SLC7A9: variants seen among roughly 807,000 people sequenced by gnomAD.
The protein encoded by SLC7A9 is B(0,+)-type amino acid transporter 1.
Under a neutral mutation model 54.1 loss-of-function variants are expected in SLC7A9, and 38 were observed. The ratio of observed to expected loss-of-function variants is 0.70; its 90% CI spans 0.54 to 0.92. The LOEUF (loss-of-function observed/expected upper bound fraction) is 0.92. SLC7A9 is among the 40% of genes least tolerant of loss of function. SLC7A9 has a pLI of 0.00. For missense variants in SLC7A9, 537 were observed against 636.1 expected (o/e 0.84, Z 1.68); for synonymous variants, 264 against 258.9 (o/e 1.02, Z -0.19).
intron 9 of SLC7A9, among the ~76,000 whole-genome samples, chr19:32,850,141 T>C (rs1968427068): frequency 6.7e-6 from 1 of 149,136 alleles, no homozygotes; most frequent in Admixed American, 6.7e-5. Flanking sequence ...GTGCCCTCTC[T>C]CACCATTCCT....
rs567720033 is a variant in SLC7A9, at chr19:32,856,447, G to C, written c.977+1993C>G. ...CTGACCTCGTGATCTGCCCGCCTCG[G>C]CCTCCCAAAGTGCTGGGATTACAGG... On this transcript the variant is annotated intron_variant, in intron 9 of 12. Coordinates refer to ENST00000023064, the MANE Select transcript of SLC7A9 (RefSeq NM_014270.5). 2.6e-5 allele frequency among the ~76,000 whole-genome samples: 4 copies of C among 152,264 alleles called. No homozygotes were observed. The East Asian group carries it at 5.8e-4, about 22-fold the overall frequency.
intron 2 of SLC7A9, among the ~76,000 whole-genome samples, chr19:32,867,579 A>G (rs1179563989): frequency 2.6e-5 from 4 of 152,078 alleles, no homozygotes; most frequent in Admixed American, 2.6e-4. Flanking sequence ...TGGAAAGGCC[A>G]TTAGTTTGAA....
Position 32,860,108 on chromosome 19 carries a change from G to C in SLC7A9, c.750-144C>G, listed in dbSNP as rs756484587. Reference sequence around the variant, plus strand: ...ACATAAGACATTTTCAAATGAGAATGCTGCCTCTCTCAGACTCCAGAGCAG... The same window carrying C: ...ACATAAGACATTTTCAAATGAGAATCCTGCCTCTCTCAGACTCCAGAGCAG... On this transcript the variant is annotated intron_variant, in intron 7 of 12. Coordinates refer to ENST00000023064, the MANE Select transcript of SLC7A9 (RefSeq NM_014270.5). 1.9e-6 allele frequency: 3 copies of C among 1,554,634 alleles called. No homozygotes were observed. The African/African-American group carries it at 4.1e-5, about 21-fold the overall frequency.
intron 12 of SLC7A9, chr19:32,832,770 G>A: frequency 1.4e-5 from 4 of 284,584 alleles, no homozygotes; most frequent in Non-Finnish European, 2.7e-5. Context: ...AAAATAGCCA[G>A]GTGTAGTGTG....
chr19:32,842,322 T>G lies in SLC7A9; in HGVS notation c.1075-5A>C, dbSNP rs1353906162. On this transcript the variant is annotated splice_region_variant and splice_polypyrimidine_tract_variant and intron_variant, in intron 10 of 12. Transcript: ENST00000023064. Reference sequence around the variant, plus strand: ...ATAAATCGTTGCTATGATACCCTAATAGAAAGAAGAATGGATTTGTAGGTC... The same window carrying G: ...ATAAATCGTTGCTATGATACCCTAAGAGAAAGAAGAATGGATTTGTAGGTC... 1 of 1,612,344 alleles carries G rather than the reference T, an allele frequency of 6.2e-7. No individual in the cohort carries two copies. Among genetic ancestry groups the G allele is most frequent in the Non-Finnish European group, 8.5e-7 (1 of 1,178,690 alleles).
intron 1 of SLC7A9, among the ~76,000 whole-genome samples, chr19:32,869,147 C>T (rs74819205): frequency 6.6e-6 from 1 of 151,982 alleles, no homozygotes; most frequent in Non-Finnish European, 1.5e-5. Context: ...CACTTGAACC[C>T]TGGAGGCAGA....
At chr19:32,857,242 G>A (rs987292210) in intron 9 of SLC7A9, among the ~76,000 whole-genome samples, 3 of 152,044 alleles carry the variant, frequency 2.0e-5, no homozygotes, top group East Asian at 3.9e-4. Context: ...CCAGGAGTTC[G>A]AAATGGGCCT....
At chr19:32,858,126 C>A (rs1001764001) in intron 9 of SLC7A9, among the ~76,000 whole-genome samples, 1 of 152,218 alleles carries the variant, frequency 6.6e-6, no homozygotes, top group Non-Finnish European at 1.5e-5. Context: ...GCCTCATTCA[C>A]GCGGTGTCGC....
chr19:32,854,607 G>C (rs920550186), intron 9 of SLC7A9, among the ~76,000 whole-genome samples: 4 of 152,136 alleles, frequency 2.6e-5, no homozygotes, highest in African/African-American at 9.7e-5. Flanking sequence ...TTGTTTTTGA[G>C]ACGGAGTATC....
Position 32,858,768 on chromosome 19 carries a change from C to CTTTATTTATTTATTTA in SLC7A9, c.874-241_874-226dup, listed in dbSNP as rs71176160. On this transcript the variant is annotated intron_variant, in intron 8 of 12. Coordinates refer to ENST00000023064, the MANE Select transcript of SLC7A9 (RefSeq NM_014270.5). ...TTATCTACTACTCCCTGGCATAAAT[C>CTTTATTTATTTATTTA]TTTATTTATTTATTTATTTATTTAT... 0.15 allele frequency among the ~76,000 whole-genome samples: 22,457 copies of CTTTATTTATTTATTTA among 148,386 alleles called. 1,900 individuals are homozygous for CTTTATTTATTTATTTA. The highest frequency in any genetic ancestry group is 0.37 in the East Asian group (1,775 of 4,816).
intron 9 of SLC7A9, among the ~76,000 whole-genome samples, chr19:32,845,049 A>G (rs949480113): frequency 7.2e-5 from 11 of 151,796 alleles, no homozygotes; most frequent in Non-Finnish European, 1.6e-4. Flanking sequence ...CTGTACTCTG[A>G]GCTGCTTAGG....
chr19:32,834,502 T>G (rs1299988566), intron 11 of SLC7A9, among the ~76,000 whole-genome samples: 1 of 151,916 alleles, frequency 6.6e-6, no homozygotes, highest in Non-Finnish European at 1.5e-5. Flanking sequence ...TGATGGCAGA[T>G]GCCTGTAATC....
chr19:32,868,535 G>A lies in SLC7A9; in HGVS notation c.-1C>T. The A allele has an allele frequency of 6.2e-7, 1 of 1,613,654 alleles. No homozygotes were observed. The highest frequency in any genetic ancestry group is 8.5e-7 in the Non-Finnish European group (1 of 1,179,594). On this transcript the variant is annotated 5_prime_UTR_variant, in exon 2 of 13. Coordinates refer to ENST00000023064, the MANE Select transcript of SLC7A9 (RefSeq NM_014270.5). The stretch of plus-strand genomic sequence containing the variant: ...GCTTTCTCAGGCCAGTATCCCCCAT[G>A]TTTCCTCCTGCTGGTTCCAGGAGAC...
intron 9 of SLC7A9, among the ~76,000 whole-genome samples, chr19:32,857,959 C>A (rs932808552): frequency 6.6e-6 from 1 of 151,994 alleles, no homozygotes; most frequent in African/African-American, 2.4e-5. Context: ...ACCATCTGGC[C>A]CTTTAAGGGA....
chr19:32,853,305 T>C (rs933988137), intron 9 of SLC7A9, among the ~76,000 whole-genome samples: 1 of 152,174 alleles, frequency 6.6e-6, no homozygotes, highest in Non-Finnish European at 1.5e-5. Context: ...AAAGCAGGGA[T>C]TAATTAGGCA....
At chr19:32,844,043 G>A (rs1250965120) in intron 9 of SLC7A9, 92 bp from the exon 10 acceptor site, 18 of 934,534 alleles carry the variant, frequency 1.9e-5, no homozygotes, top group Non-Finnish European at 2.4e-5. Flanking sequence ...CCACCAAGGA[G>A]CCCTCGGGAG....
rs553311318 is a variant in SLC7A9, at chr19:32,852,647, T to C, written c.977+5793A>G. 2.0e-5 allele frequency among the ~76,000 whole-genome samples: 3 copies of C among 152,314 alleles called. No individual in the cohort carries two copies. In the South Asian group the frequency reaches 6.2e-4, roughly 32 times the overall value. ...ACTTTGAATTGATATGAACTTGATA[T>C]TAATTCCCAAAAGAAGTGAAACCAG... is the stretch of plus-strand genomic sequence containing the variant. On this transcript the variant is annotated intron_variant, in intron 9 of 12. Transcript: ENST00000023064.
intron 6 of SLC7A9, 126 bp from the exon 7 acceptor site, chr19:32,860,776 T>TA (rs1968777660): frequency 7.4e-7 from 1 of 1,348,120 alleles, no homozygotes. Flanking sequence ...CTGCAGGAAT[T>TA]CCAGGTGAAT....
intron 8 of SLC7A9, 51 bp downstream of exon 8, chr19:32,859,790 C>G (rs369185285): frequency 1.3e-5 from 19 of 1,476,646 alleles, no homozygotes; most frequent in Non-Finnish European, 1.8e-5. Flanking sequence ...ACCTGCCTTA[C>G]CCCTTCCCAC....
Sources: gnomAD v4.1 joint callset for allele counts (sites outside exome capture counted in the v4.1 genomes callset) on GRCh38, gnomAD v4.1.1 for gene constraint, MANE v1.5 for transcripts, NCBI Gene and HGNC (gene_info 2026-07-23, HGNC 2026-07-21) for gene names.